CACNB2: variants seen among roughly 807,000 people sequenced by gnomAD.
CACNB2 encodes calcium voltage-gated channel auxiliary subunit beta 2.
In CACNB2, 42 loss-of-function variants were observed where a neutral mutation model predicts 73.3. That is an observed-to-expected ratio of 0.57 (90% CI 0.45 to 0.74). The LOEUF (loss-of-function observed/expected upper bound fraction) is 0.74. CACNB2 is among the 30% of genes least tolerant of loss of function. The probability of loss-of-function intolerance (pLI) is 0.00; values close to 1 mark genes in which losing one functional copy is unlikely to be tolerated. For missense variants in CACNB2, 940 were observed against 853.0 expected (o/e 1.10, Z -1.27); for synonymous variants, 348 against 310.3 (o/e 1.12, Z -1.28).
chr10:18,293,639 C>A (rs2131787645), intron 2 of CACNB2, among the ~76,000 whole-genome samples: 1 of 152,274 alleles, frequency 6.6e-6, no homozygotes, highest in Non-Finnish European at 1.5e-5. Flanking sequence ...TTTAGGAGCA[C>A]TTATTTCAAG....
intron 2 of CACNB2, among the ~76,000 whole-genome samples, chr10:18,177,385 C>T (rs999741390): frequency 2.0e-5 from 3 of 150,238 alleles, no homozygotes. Context: ...TTTGGGAGGC[C>T]AAAGTGGGTG....
intron 2 of CACNB2, among the ~76,000 whole-genome samples, chr10:18,325,958 T>C (rs937862194): frequency 6.6e-6 from 1 of 152,040 alleles, no homozygotes; most frequent in African/African-American, 2.4e-5. Context: ...TTGCCCAGGC[T>C]GGTCTTGAAC....
At chr10:18,313,031 A>C (rs1211609759) in intron 2 of CACNB2, among the ~76,000 whole-genome samples, 2 of 152,182 alleles carry the variant, frequency 1.3e-5, no homozygotes, top group Non-Finnish European at 2.9e-5. Flanking sequence ...AGGATGATTG[A>C]AGCAAATGTA....
chr10:18,429,112 A>G (rs769211245), intron 3 of CACNB2, among the ~76,000 whole-genome samples: 8 of 152,196 alleles, frequency 5.3e-5, no homozygotes, highest in Middle Eastern at 3.2e-3. Context: ...ATTTTTGACA[A>G]TGAAGTCTCT....
intron 3 of CACNB2, among the ~76,000 whole-genome samples, chr10:18,470,251 C>G (rs1266915174): frequency 6.6e-6 from 1 of 150,854 alleles, no homozygotes; most frequent in Non-Finnish European, 1.5e-5. Context: ...CTTTGGGAGG[C>G]TGAGGCTGGA....
intron 2 of CACNB2, among the ~76,000 whole-genome samples, chr10:18,316,284 A>G (rs1339601233): frequency 6.6e-6 from 1 of 152,146 alleles, no homozygotes; most frequent in African/African-American, 2.4e-5. Context: ...TCTAGTATCT[A>G]AAACAGGAGC....
At chr10:18,287,067 G>A (rs1030207680) in intron 2 of CACNB2, among the ~76,000 whole-genome samples, 6 of 152,146 alleles carry the variant, frequency 3.9e-5, no homozygotes, top group African/African-American at 9.7e-5. Flanking sequence ...GGTGCCTCAC[G>A]CCTGTAATCC....
intron 2 of CACNB2, among the ~76,000 whole-genome samples, chr10:18,157,456 A>G (rs2032142996): frequency 1.3e-5 from 2 of 152,214 alleles, no homozygotes; most frequent in Admixed American, 6.5e-5. Context: ...ACCATACGTA[A>G]TATGCATTAT....
chr10:18,152,306 T>G (rs1056959169), intron 2 of CACNB2, among the ~76,000 whole-genome samples: 5 of 152,084 alleles, frequency 3.3e-5, no homozygotes, highest in African/African-American at 1.2e-4. Flanking sequence ...CCGTGCCAAT[T>G]GGGAATTGTT....
chr10:18,298,389 C>T (rs2039367092), intron 2 of CACNB2, among the ~76,000 whole-genome samples: 1 of 151,988 alleles, frequency 6.6e-6, no homozygotes, highest in Admixed American at 6.6e-5. Flanking sequence ...AAAACCTAAC[C>T]TTGAGATCAC....
chr10:18,427,605 C>T (rs1024668718), intron 3 of CACNB2, among the ~76,000 whole-genome samples: 18 of 152,154 alleles, frequency 1.2e-4, no homozygotes, highest in African/African-American at 2.4e-4. Flanking sequence ...AATTCCTAAA[C>T]GTACTGTGTT....
chr10:18,362,943 A>G (rs2042202158), intron 2 of CACNB2, among the ~76,000 whole-genome samples: 1 of 152,012 alleles, frequency 6.6e-6, no homozygotes, highest in South Asian at 2.1e-4. Context: ...GGAAAAGGAA[A>G]TGCAAGTAGA....
At chr10:18,526,474 G>A (rs1369923468) in intron 9 of CACNB2, among the ~76,000 whole-genome samples, 1 of 152,134 alleles carries the variant, frequency 6.6e-6, no homozygotes, top group Non-Finnish European at 1.5e-5. Flanking sequence ...GGCAGTGGAG[G>A]GCTGTAACTG....
chr10:18,363,508 C>A (rs1294764593), intron 2 of CACNB2, among the ~76,000 whole-genome samples: 1 of 152,210 alleles, frequency 6.6e-6, no homozygotes, highest in African/African-American at 2.4e-5. Context: ...ACATGTCTGT[C>A]TTATGCTTTC....
intron 2 of CACNB2, among the ~76,000 whole-genome samples, chr10:18,267,403 C>T (rs1226778423): frequency 6.6e-6 from 1 of 152,064 alleles, no homozygotes; most frequent in Non-Finnish European, 1.5e-5. Flanking sequence ...GTCGGGATTT[C>T]AAGACCAGCC....
intron 3 of CACNB2, among the ~76,000 whole-genome samples, chr10:18,409,703 G>A (rs2132614480): frequency 6.6e-6 from 1 of 152,190 alleles, no homozygotes; most frequent in African/African-American, 2.4e-5. Context: ...AATTGGGGAG[G>A]GACTGAAGAA....
At chr10:18,261,362 C>A in intron 2 of CACNB2, 1 of 1,551,472 alleles carries the variant, frequency 6.4e-7, no homozygotes, top group Non-Finnish European at 8.7e-7. Context: ...GCTGAAAATA[C>A]TATTCGTGTC....
chr10:18,411,436 G>C lies in CACNB2; in HGVS notation c.333+9393G>C, dbSNP rs555985297. The stretch of plus-strand genomic sequence containing the variant: ...AATGACAACAGTAATAGCACTTAAT[G>C]CCCAATCACTGCTCATTATAGACAA... On this transcript the variant is annotated intron_variant, in intron 3 of 13. Transcript: ENST00000324631. Among the ~76,000 whole-genome samples the C allele has an allele frequency of 1.8e-4, 28 of 151,458 alleles. 2 individuals are homozygous for C. The Middle Eastern group carries it at 0.05, about 269-fold the overall frequency.
intron 2 of CACNB2, among the ~76,000 whole-genome samples, chr10:18,342,013 A>G (rs755909569): frequency 3.3e-5 from 5 of 152,192 alleles, no homozygotes; most frequent in Non-Finnish European, 7.3e-5. Flanking sequence ...TACACTAATT[A>G]TCAACGGTTT....
Sources: gnomAD v4.1 joint callset for allele counts (sites outside exome capture counted in the v4.1 genomes callset) on GRCh38, gnomAD v4.1.1 for gene constraint, MANE v1.5 for transcripts, NCBI Gene and HGNC (gene_info 2026-07-23, HGNC 2026-07-21) for gene names.